The following DOCK10 variants were observed in gnomAD, a reference collection of about 807,000 sequenced individuals.
DOCK10 encodes the protein dedicator of cytokinesis 10, also known as dedicator of cytokinesis protein 10.
In DOCK10, 145 loss-of-function variants were observed where a neutral mutation model predicts 280.1. The ratio of observed to expected loss-of-function variants is 0.52; its 90% CI spans 0.45 to 0.59. DOCK10 has a LOEUF of 0.59. Ranked by LOEUF, DOCK10 falls within the 20% of genes least tolerant of loss-of-function variation. DOCK10 has a pLI of 0.00. For synonymous variants in DOCK10, 915 were observed against 942.2 expected (o/e 0.97, Z 0.53); for missense variants, 2,368 against 2,651.7 (o/e 0.89, Z 2.35).
intron 1 of DOCK10, among the ~76,000 whole-genome samples, chr2:224,979,766 G>A (rs1240088715): frequency 1.3e-5 from 2 of 152,282 alleles, no homozygotes; most frequent in Non-Finnish European, 2.9e-5. Flanking sequence ...TTACATCCCG[G>A]CACTTTTCTA....
At chr2:224,783,137 G>T (rs1214527846) in intron 50 of DOCK10, among the ~76,000 whole-genome samples, 2 of 152,174 alleles carry the variant, frequency 1.3e-5, no homozygotes, top group Non-Finnish European at 2.9e-5. Flanking sequence ...GCTCTAATTT[G>T]CTGCTTATCA....
intron 1 of DOCK10, among the ~76,000 whole-genome samples, chr2:224,932,353 C>T (rs985712491): frequency 1.3e-5 from 2 of 152,018 alleles, no homozygotes; most frequent in Admixed American, 6.6e-5. Context: ...CAAAGAAGCC[C>T]CTCATAGTGC....
intron 2 of DOCK10, among the ~76,000 whole-genome samples, chr2:224,921,232 G>T (rs1487665937): frequency 1.3e-5 from 2 of 148,284 alleles, no homozygotes; most frequent in South Asian, 4.3e-4. Context: ...AACCTGGGAG[G>T]GGGAGGTTGC....
At position 224,823,754 on chromosome 2, in the gene DOCK10, G is replaced by T. The variant is rs1694662851; in HGVS notation, c.3037-107C>A. On this transcript the variant is annotated intron_variant, in intron 27 of 55. Coordinates refer to ENST00000258390, the MANE Select transcript of DOCK10 (RefSeq NM_014689.3). ...TATTTTATAGGTCATTAAAGAAAAA[G>T]AATCCTTTTGAAAACTTGAAAGCAG... is the stretch of plus-strand genomic sequence containing the variant. 2.8e-6 allele frequency: 3 copies of T among 1,068,074 alleles called. No homozygotes were observed. In the East Asian group the frequency reaches 8.8e-5, roughly 31 times the overall value. 66.2% of individuals were successfully genotyped at this position (1,068,074 alleles called of 1,614,324 possible).
intron 52 of DOCK10, 117 bp from the exon 53 acceptor site, chr2:224,773,464 G>A (rs1690592436): frequency 4.4e-6 from 4 of 902,094 alleles, no homozygotes; most frequent in Non-Finnish European, 6.7e-6. Flanking sequence ...CTTCCATTCT[G>A]CATGCTTTTC....
chr2:224,956,625 G>GAAAAAAAAA (rs3083983), intron 1 of DOCK10, among the ~76,000 whole-genome samples: 2 of 78,656 alleles, frequency 2.5e-5, no homozygotes, highest in South Asian at 4.6e-4. Context: ...CGCTACCTCA[G>GAAAAAAAAA]AAAAAAAAAA....
chr2:224,844,922 C>A (rs1559543330), intron 21 of DOCK10, 83 bp from the exon 22 acceptor site: 2 of 996,322 alleles, frequency 2.0e-6, no homozygotes, highest in East Asian at 2.6e-5. Context: ...TGTTAATGTG[C>A]TGTTCTGATC....
At chr2:224,824,431 T>TTTTTC (rs1694712224) in intron 27 of DOCK10, among the ~76,000 whole-genome samples, 1 of 138,618 alleles carries the variant, frequency 7.2e-6, no homozygotes, top group African/African-American at 2.8e-5. Context: ...AGACTCTGCT[T>TTTTTC]TTTTTTTTTT....
chr2:224,793,004 T>G lies in DOCK10; in HGVS notation c.5281A>C (p.Asn1761His), dbSNP rs771063821. Residue 1761 changes from asparagine (N) to histidine (H), a missense_variant, in exon 47 of 56, where the codon AAC becomes CAC. Coordinates refer to ENST00000258390, the MANE Select transcript of DOCK10 (RefSeq NM_014689.3). The part of the protein sequence containing the change: ...LSEDTHPCDS[N>H]SLLTTPSGGS... ...CCACTGGGAGTTGTTAGTAATGAGT[T>G]GCTATCACAGGGGTGGGTATCCTCC... The G allele has an allele frequency of 1.9e-6, 3 of 1,613,736 alleles. No homozygotes were observed. The African/African-American group carries it at 4.0e-5, about 22-fold the overall frequency.
chr2:224,785,180 C>A (rs935778268), intron 50 of DOCK10, among the ~76,000 whole-genome samples: 1 of 152,076 alleles, frequency 6.6e-6, no homozygotes, highest in East Asian at 1.9e-4. Context: ...GCCATTTTCT[C>A]TTCTCTCTCT....
At chr2:224,929,572 G>A (rs916670878) in intron 2 of DOCK10, among the ~76,000 whole-genome samples, 1 of 152,160 alleles carries the variant, frequency 6.6e-6, no homozygotes, top group Non-Finnish European at 1.5e-5. Flanking sequence ...ACTTCATTTT[G>A]AAGGCAGTGG....
intron 31 of DOCK10, among the ~76,000 whole-genome samples, chr2:224,809,946 G>A (rs1331858997): frequency 2.2e-5 from 3 of 135,178 alleles, no homozygotes; most frequent in Admixed American, 8.2e-5. Flanking sequence ...TAGATGAATG[G>A]ATTAAAAATG....
chr2:224,874,265 C>A lies in DOCK10; in HGVS notation c.1101+1G>T. 1.2e-6 allele frequency: 2 copies of A among 1,612,326 alleles called. No homozygotes were observed. Among genetic ancestry groups the A allele is most frequent in the Non-Finnish European group, 1.7e-6 (2 of 1,179,180 alleles). ...TCTGCTTAGAAAAAATTTTGACTTA[C>A]ATCTATGTCTGGATCTAGAGAGAAC... On this transcript the variant is annotated splice_donor_variant, in intron 10 of 55. Coordinates refer to ENST00000258390, the MANE Select transcript of DOCK10 (RefSeq NM_014689.3). LOFTEE classifies it high-confidence loss of function.
At chr2:225,017,784 A>G (rs374316509) in intron 1 of DOCK10, among the ~76,000 whole-genome samples, 1 of 152,134 alleles carries the variant, frequency 6.6e-6, no homozygotes. Context: ...GATCTCCACT[A>G]ACGTAGTTAG....
chr2:224,967,130 A>T (rs183294800), intron 1 of DOCK10, among the ~76,000 whole-genome samples: 57 of 146,534 alleles, frequency 3.9e-4, no homozygotes, highest in Admixed American at 2.8e-3. Flanking sequence ...CCCAGGCTGG[A>T]GTGCAGTGGC....
chr2:224,876,171 G>A lies in DOCK10; in HGVS notation c.798C>T (p.Thr266=). Residue 266 remains threonine, a synonymous_variant, in exon 8 of 56, where the codon ACC becomes ACT. Coordinates refer to ENST00000258390, the MANE Select transcript of DOCK10 (RefSeq NM_014689.3). ...YAFELKMNDL[T]YFVLAAETES... is the part of the protein sequence containing the mutation. ...CTGTTTCAGCTGCCAGCACAAAATA[G>A]GTCAGATCATTCATTTTCAATTCAA... 1 of 1,613,652 alleles carries A rather than the reference G, an allele frequency of 6.2e-7. No individual in the cohort carries two copies. Among genetic ancestry groups the A allele is most frequent in the Non-Finnish European group, 8.5e-7 (1 of 1,179,770 alleles).
intron 1 of DOCK10, among the ~76,000 whole-genome samples, chr2:225,017,041 T>C (rs560942061): frequency 1.5e-4 from 22 of 151,272 alleles, no homozygotes; most frequent in African/African-American, 5.3e-4. Context: ...TATTTTTAAG[T>C]GTTGTAAACT....
intron 4 of DOCK10, among the ~76,000 whole-genome samples, chr2:224,892,610 C>T (rs976211596): frequency 6.6e-6 from 1 of 151,954 alleles, no homozygotes; most frequent in Non-Finnish European, 1.5e-5. Flanking sequence ...GGAGAAAATC[C>T]CCTGGCAGAG....
At chr2:224,807,091 C>A (rs529885797) in intron 33 of DOCK10, among the ~76,000 whole-genome samples, 18 of 152,034 alleles carry the variant, frequency 1.2e-4, no homozygotes, top group Non-Finnish European at 2.2e-4. Context: ...GTCACTGATA[C>A]TGCTGGGATT....
Sources: allele counts gnomAD v4.1 joint callset (sites outside exome capture counted in the v4.1 genomes callset), GRCh38; gene constraint gnomAD v4.1.1; transcripts MANE v1.5; gene names NCBI Gene and HGNC (gene_info 2026-07-23, HGNC 2026-07-21).